Variants in DOP1B observed in about 807,000 individuals in gnomAD.
DOP1B encodes DOP1 leucine zipper like protein B, also known as protein DOP1B.
Under a neutral mutation model 233.5 loss-of-function variants are expected in DOP1B, and 174 were observed. The ratio of observed to expected loss-of-function variants is 0.75; its 90% CI spans 0.66 to 0.85. The LOEUF is 0.85. Ranked by LOEUF, DOP1B falls within the 40% of genes least tolerant of loss-of-function variation. The pLI, the probability that DOP1B is intolerant of heterozygous loss-of-function variation, is 0.00. For missense variants in DOP1B, 2,652 were observed against 2,846.6 expected, an observed-to-expected ratio of 0.93 and a Z score of 1.56; for synonymous variants, 1,190 against 1,185.6, an observed-to-expected ratio of 1.00 and a Z score of -0.08.
chr21:36,261,097 GCT>G (rs1206781369), intron 24 of DOP1B: 21 of 1,006,356 alleles, frequency 2.1e-5, no homozygotes, highest in Non-Finnish European at 2.4e-5. Context: ...AGGCGCGGTG[GCT>G]CACACCTGCA....
At chr21:36,200,595 G>A (rs2066352351) in intron 4 of DOP1B, 94 bp downstream of exon 4, 10 of 1,444,690 alleles carry the variant, frequency 6.9e-6, no homozygotes, top group Non-Finnish European at 9.1e-6. Flanking sequence ...TGTAATCCCA[G>A]CACTTTGGAA....
chr21:36,184,716 C>G (rs1446322671), intron 2 of DOP1B, among the ~76,000 whole-genome samples: 1 of 152,180 alleles, frequency 6.6e-6, no homozygotes, highest in Non-Finnish European at 1.5e-5. Context: ...GCCCGGCATA[C>G]GCAGCAAGTG....
intron 10 of DOP1B, among the ~76,000 whole-genome samples, chr21:36,222,583 C>CAAAAA (rs932664622): frequency 7.6e-6 from 1 of 130,848 alleles, no homozygotes. Context: ...GACTGTGTCT[C>CAAAAA]AAAAAAAAAA....
chr21:36,239,965 C>T lies in DOP1B; in HGVS notation c.3067+10C>T, dbSNP rs961013475. ...CAGGAGAACTCGGCCGGTGAGCAGC[C>T]TGCACAGGACCCGAGGGTGAGGGAG... is the stretch of plus-strand genomic sequence containing the variant. On this transcript the variant is annotated intron_variant, in intron 18 of 36. Transcript: ENST00000691173. 4.4e-6 allele frequency: 7 copies of T among 1,604,798 alleles called. No homozygotes were observed. In the Admixed American group the frequency reaches 1.2e-4, roughly 27 times the overall value.
At chr21:36,210,416 G>A (rs1601414242) in intron 5 of DOP1B, among the ~76,000 whole-genome samples, 2 of 152,060 alleles carry the variant, frequency 1.3e-5, no homozygotes, top group African/African-American at 2.4e-5. Context: ...AGGCCGAGGC[G>A]GGTGGATTAC....
At chr21:36,264,383 G>A (rs964632028) in intron 26 of DOP1B, among the ~76,000 whole-genome samples, 1 of 152,116 alleles carries the variant, frequency 6.6e-6, no homozygotes, top group Non-Finnish European at 1.5e-5. Flanking sequence ...CTGCACTTCA[G>A]CCTGGCAACA....
At chr21:36,161,701 A>G (rs2065870936) in intron 1 of DOP1B, among the ~76,000 whole-genome samples, 1 of 152,162 alleles carries the variant, frequency 6.6e-6, no homozygotes, top group Admixed American at 6.5e-5. Context: ...AAGCATCGCC[A>G]TCATCCCATT....
intron 32 of DOP1B, among the ~76,000 whole-genome samples, chr21:36,286,899 G>C (rs1162052050): frequency 1.3e-5 from 2 of 152,072 alleles, no homozygotes; most frequent in Non-Finnish European, 2.9e-5. Context: ...GGGAGGCGGA[G>C]GTTGTAGTGA....
chr21:36,205,268 T>G (rs1482894951), intron 4 of DOP1B, among the ~76,000 whole-genome samples: 1 of 152,228 alleles, frequency 6.6e-6, no homozygotes, highest in African/African-American at 2.4e-5. Context: ...CAGTGTCATT[T>G]GAAGGAGCTG....
At chr21:36,292,254 T>G in intron 36 of DOP1B, 21 bp downstream of exon 36, 1 of 1,514,156 alleles carries the variant, frequency 6.6e-7, no homozygotes, top group Non-Finnish European at 8.8e-7. Context: ...TTCTTTTCTT[T>G]TCTTTTTTTT....
chr21:36,254,695 TAAAAG>T (rs894027858), intron 23 of DOP1B, among the ~76,000 whole-genome samples: 6 of 152,124 alleles, frequency 3.9e-5, no homozygotes, highest in Non-Finnish European at 8.8e-5. Context: ...ATTGTAAACT[TAAAAG>T]AAAATGCTCT....
In DOP1B at chr21:36,253,857, A is replaced by G. The variant is rs755242031; in HGVS notation, c.5207A>G (p.His1736Arg). The G allele has an allele frequency of 6.2e-7, 1 of 1,613,978 alleles. No homozygotes were observed. Among genetic ancestry groups the G allele is most frequent in the Non-Finnish European group, 8.5e-7 (1 of 1,180,000 alleles). Residue 1736 changes from histidine (H) to arginine (R), a missense_variant, in exon 23 of 37, where the codon CAC (histidine) becomes CGC (arginine). By Grantham distance (29) the His-to-Arg change is conservative. Around this residue, in one of 3 missense-constraint regions of DOP1B, gnomAD observed 2,617 missense variants for 2,794.3 expected, o/e 0.94. Transcript: ENST00000691173. ...ACCCTGCAGACTGACACGCTGCTGC[A>G]CCTGGTGAAGGAGGTGGTGAAGAGG... The part of the protein sequence containing the change: ...LSTLQTDTLL[H>R]LVKEVVKRPP...
At chr21:36,239,541 G>C (rs2123571590) in intron 17 of DOP1B, among the ~76,000 whole-genome samples, 1 of 152,304 alleles carries the variant, frequency 6.6e-6, no homozygotes, top group Admixed American at 6.5e-5. Flanking sequence ...AACCCATTTG[G>C]GGTGAGGCCT....
chr21:36,223,152 C>G (rs1391374508), intron 10 of DOP1B, 79 bp from the exon 11 acceptor site: 2 of 1,443,278 alleles, frequency 1.4e-6, no homozygotes, highest in Non-Finnish European at 1.9e-6. Context: ...ATGGTGAAAT[C>G]AATTACAGTT....
intron 12 of DOP1B, 65 bp from the exon 13 acceptor site, chr21:36,227,621 G>T: frequency 7.5e-7 from 1 of 1,335,742 alleles, no homozygotes. Context: ...ATGCCATTTT[G>T]AGATGCATTG....
At chr21:36,217,732 C>G (rs1281374993) in intron 9 of DOP1B, among the ~76,000 whole-genome samples, 1 of 152,138 alleles carries the variant, frequency 6.6e-6, no homozygotes, top group Non-Finnish European at 1.5e-5. Flanking sequence ...CACCTTAAAC[C>G]AAATAGATTT....
At chr21:36,184,501 G>A (rs1341554007) in intron 2 of DOP1B, among the ~76,000 whole-genome samples, 1 of 152,090 alleles carries the variant, frequency 6.6e-6, no homozygotes. Context: ...ACACTGTTGC[G>A]GCCCCTTCCC....
chr21:36,193,418 G>C (rs2066256279), intron 2 of DOP1B, among the ~76,000 whole-genome samples: 1 of 152,106 alleles, frequency 6.6e-6, no homozygotes, highest in Non-Finnish European at 1.5e-5. Context: ...GGTGCCTCTG[G>C]GAGACATTCC....
intron 2 of DOP1B, among the ~76,000 whole-genome samples, chr21:36,166,616 A>G (rs1048985519): frequency 2.6e-5 from 4 of 152,172 alleles, no homozygotes; most frequent in African/African-American, 7.2e-5. Flanking sequence ...ATGTAGGTAG[A>G]TGATATCTGG....
Sources: gnomAD v4.1 joint callset for allele counts (sites outside exome capture counted in the v4.1 genomes callset) on GRCh38, gnomAD v4.1.1 for gene constraint, gnomAD v4.1.1 regional missense constraint, MANE v1.5 for transcripts, NCBI Gene and HGNC (gene_info 2026-07-23, HGNC 2026-07-21) for gene names.